PCDHGA2: variants seen among roughly 807,000 people sequenced by gnomAD.
The protein encoded by PCDHGA2 is protocadherin gamma-A2.
Under a neutral mutation model 59.2 loss-of-function variants are expected in PCDHGA2, and 40 were observed. The ratio of observed to expected loss-of-function variants is 0.68; its 90% CI spans 0.52 to 0.88. The LOEUF (loss-of-function observed/expected upper bound fraction) is 0.88. Among genes scored for constraint, PCDHGA2 ranks in the 40% least tolerant of loss-of-function variants. The pLI is 0.00. For synonymous variants in PCDHGA2, 560 were observed against 526.0 expected (o/e 1.06, Z -0.89); for missense variants, 1,226 against 1,204.0 (o/e 1.02, Z -0.27).
chr5:141,412,975 C>G (rs1221821871), intron 1 of PCDHGA2: 3 of 532,642 alleles, frequency 5.6e-6, no homozygotes, highest in Non-Finnish European at 9.7e-6. Flanking sequence ...AGAGAAAACG[C>G]AGCCAGAGCT....
At position 141,491,770 on chromosome 5, in the gene PCDHGA2, G is replaced by C. The variant is rs1230581925; in HGVS notation, c.2425-3037G>C. 1 of 1,560,888 alleles carries C rather than the reference G, an allele frequency of 6.4e-7. No individual in the cohort carries two copies. Among genetic ancestry groups the C allele is most frequent in the Non-Finnish European group, 8.7e-7 (1 of 1,154,942 alleles). On this transcript the variant is annotated intron_variant, in intron 1 of 3. Coordinates refer to ENST00000394576, the MANE Select transcript of PCDHGA2 (RefSeq NM_018915.4). This position sits in a 1 kb window ranked among gnomAD's most constrained non-coding sequence, Gnocchi z 6.9. ...TGGAGAAGCCGCCCGTCCTCATAAG[G>C]GATTGAACTTGCATCCACTCCTCTC...
chr5:141,431,973 TC>T lies in PCDHGA2; in HGVS notation c.2425-62833del, dbSNP rs770294598. 13 of 1,614,100 alleles carry T rather than the reference TC, an allele frequency of 8.1e-6. No individual in the cohort carries two copies. The highest frequency in any genetic ancestry group is 1.0e-5 in the Non-Finnish European group (12 of 1,180,038). On this transcript the variant is annotated intron_variant, in intron 1 of 3. Transcript: ENST00000394576. This position sits in a 1 kb window ranked among gnomAD's most constrained non-coding sequence, Gnocchi z 4.8. ...TCTTACGGAAATTACTATAGTTTAG[TC>T]ACAGACATAGTCTTGGATAGGGAAC...
rs1160304959 is a variant in PCDHGA2, at chr5:141,490,969, C to A, written c.2425-3838C>A. On this transcript the variant is annotated intron_variant, in intron 1 of 3. Coordinates refer to ENST00000394576, the MANE Select transcript of PCDHGA2 (RefSeq NM_018915.4). This position sits in a 1 kb window ranked among gnomAD's most constrained non-coding sequence, Gnocchi z 5.4. ...GCCAGACTGGGAACACTCAGCCCCC[C>A]AGCGTCTCCCTCGCTCTGCTCCTCC... The A allele has an allele frequency of 2.5e-6, 4 of 1,613,820 alleles. No individual in the cohort carries two copies. In the African/African-American group the frequency reaches 4.0e-5, roughly 16 times the overall value.
chr5:141,394,020 AG>A (rs745548616), intron 1 of PCDHGA2: 1 of 1,613,544 alleles, frequency 6.2e-7, no homozygotes, highest in Non-Finnish European at 8.5e-7. Flanking sequence ...TAATTATTAT[AG>A]ATTAGTGACA....
chr5:141,362,374 A>G, intron 1 of PCDHGA2: 1 of 1,614,036 alleles, frequency 6.2e-7, no homozygotes, highest in Non-Finnish European at 8.5e-7. Flanking sequence ...CAGTGAGGGT[A>G]CATTGCCCTA....
chr5:141,485,762 G>A lies in PCDHGA2; in HGVS notation c.2425-9045G>A, dbSNP rs774145313. 3.1e-6 allele frequency: 5 copies of A among 1,614,226 alleles called. No homozygotes were observed. The highest frequency in any genetic ancestry group is 3.3e-5 in the Admixed American group (2 of 60,030). ...CAGCCTGGTCCCAGAGCTGCTCCTG[G>A]AGAAGCCTTTGGATCGAGAGAAGCA... On this transcript the variant is annotated intron_variant, in intron 1 of 3. Transcript: ENST00000394576. The surrounding 1 kb of genome is among the most constrained non-coding windows in gnomAD (Gnocchi z 5.7).
chr5:141,398,908 G>A, intron 1 of PCDHGA2: 2 of 1,613,978 alleles, frequency 1.2e-6, no homozygotes, highest in East Asian at 2.2e-5. Flanking sequence ...AGGCACCACT[G>A]TGTTGCAAGT....
Position 141,339,227 on chromosome 5 carries a change from A to C in PCDHGA2, c.256A>C (p.Thr86Pro), listed in dbSNP as rs2149721179. The change falls in exon 1 of 4, where the codon ACT becomes CCT. Residue 86 changes from threonine to proline, a missense_variant. Thr to Pro is a conservative substitution (Grantham distance 38). Transcript: ENST00000394576. ...GAACCCGCGAAGCGGCAGCTTGGTC[A>C]CTGCGAACAGGATAGACCGGGAGGA... is the stretch of plus-strand genomic sequence containing the variant. ...ALNPRSGSLV[T>P]ANRIDREELC... 6.2e-7 allele frequency: 1 copy of C among 1,614,162 alleles called. No homozygotes were observed. Among genetic ancestry groups the C allele is most frequent in the Non-Finnish European group, 8.5e-7 (1 of 1,180,006 alleles).
In PCDHGA2 at chr5:141,431,118, A is replaced by T. The variant is rs2097344347; in HGVS notation, c.2425-63689A>T. On this transcript the variant is annotated intron_variant, in intron 1 of 3. Coordinates refer to ENST00000394576, the MANE Select transcript of PCDHGA2 (RefSeq NM_018915.4). This position sits in a 1 kb window ranked among gnomAD's most constrained non-coding sequence, Gnocchi z 4.8. ...GATAAAGTGAAAATATATGGAGTAG[A>T]AGTAGAAGTAAGGGACATTAACGAC... is the stretch of plus-strand genomic sequence containing the variant. The T allele has an allele frequency of 6.2e-7, 1 of 1,614,182 alleles. No homozygotes were observed. Among genetic ancestry groups the T allele is most frequent in the African/African-American group, 1.3e-5 (1 of 75,070 alleles).
At chr5:141,343,962 G>A (rs1757344365) in intron 1 of PCDHGA2, 3 of 1,360,828 alleles carry the variant, frequency 2.2e-6, no homozygotes, top group Non-Finnish European at 2.0e-6. Context: ...TTCGTTTCTT[G>A]AGAAAATAAG....
chr5:141,352,511 T>G, intron 1 of PCDHGA2: 1 of 1,614,054 alleles, frequency 6.2e-7, no homozygotes. Flanking sequence ...CTACAATCTA[T>G]GTATTGCCTC....
chr5:141,441,623 C>T (rs530409184), intron 1 of PCDHGA2: 2 of 224,422 alleles, frequency 8.9e-6, no homozygotes, highest in Non-Finnish European at 1.8e-5. Flanking sequence ...TGGCCAGTGA[C>T]CTGGAGCCAC....
chr5:141,488,222 G>A (rs1351438124), intron 1 of PCDHGA2, among the ~76,000 whole-genome samples: 1 of 152,104 alleles, frequency 6.6e-6, no homozygotes, highest in Admixed American at 6.5e-5. Flanking sequence ...TCCCTACTGG[G>A]GATTTGAACT....
At chr5:141,365,940 G>A (rs1433915160) in intron 1 of PCDHGA2, 1 of 1,614,248 alleles carries the variant, frequency 6.2e-7, no homozygotes, top group East Asian at 2.2e-5. Flanking sequence ...GCCAGCGACA[G>A]TGGGAACCCT....
intron 1 of PCDHGA2, chr5:141,370,231 G>C: frequency 1.7e-6 from 1 of 591,382 alleles, no homozygotes; most frequent in South Asian, 3.3e-5. Context: ...CAGCCAGCTC[G>C]GAAGAAAAGT....
At chr5:141,343,792 C>G (rs1757324790) in intron 1 of PCDHGA2, 1 of 431,828 alleles carries the variant, frequency 2.3e-6, no homozygotes, top group African/African-American at 2.0e-5. Context: ...TCGCTGTTGA[C>G]CACTCAAGAA....
chr5:141,477,245 A>G lies in PCDHGA2; in HGVS notation c.2425-17562A>G. On this transcript the variant is annotated intron_variant, in intron 1 of 3. Transcript: ENST00000394576. The surrounding 1 kb of genome is among the most constrained non-coding windows in gnomAD (Gnocchi z 4.9). ...GACTGTCATCGCTTTGCTCAGTGTG[A>G]CTGACCTGGATGCTGGCGAGAACGG... 3.7e-6 allele frequency: 6 copies of G among 1,614,128 alleles called. No homozygotes were observed. The highest frequency in any genetic ancestry group is 5.1e-6 in the Non-Finnish European group (6 of 1,180,026).
In PCDHGA2 at chr5:141,378,437, C is replaced by T. The variant is rs146402003; in HGVS notation, c.2424+37042C>T. ...ACTCGGGAGGCTGAGGCAGGAGAAT[C>T]GCTTGAACCCATGAGGCAGAGGTTG... On this transcript the variant is annotated intron_variant, in intron 1 of 3. Transcript: ENST00000394576. 592 of 152,418 alleles carry T rather than the reference C, an allele frequency of 3.9e-3. 6 individuals are homozygous for T. The highest frequency in any genetic ancestry group is 0.011 in the Admixed American group (171 of 15,310). The allele number at this position is 152,418 out of a possible 1,614,324, so 9.4% of individuals were successfully genotyped here.
At chr5:141,478,279 G>A (rs2099443292) in intron 1 of PCDHGA2, 1 of 1,614,202 alleles carries the variant, frequency 6.2e-7, no homozygotes, top group Middle Eastern at 1.6e-4. Context: ...ACAAGTGGAA[G>A]CAGTCTAGAG....
Sources: gnomAD v4.1 joint callset for allele counts (sites outside exome capture counted in the v4.1 genomes callset) on GRCh38, gnomAD v4.1.1 for gene constraint, Gnocchi (gnomAD v3.1) non-coding constraint, MANE v1.5 for transcripts, NCBI Gene and HGNC (gene_info 2026-07-23, HGNC 2026-07-21) for gene names.